ZSCAN25: variants seen among roughly 807,000 people sequenced by gnomAD.
ZSCAN25 encodes the protein zinc finger and SCAN domain-containing protein 25.
In ZSCAN25, 27 loss-of-function variants were observed where a neutral mutation model predicts 38.7. The ratio of observed to expected loss-of-function variants is 0.70; its 90% confidence interval spans 0.51 to 0.96. The LOEUF (loss-of-function observed/expected upper bound fraction) is 0.96. Among genes scored for constraint, ZSCAN25 ranks in the 40% least tolerant of loss-of-function variants. The pLI is 0.00. For synonymous variants in ZSCAN25, 273 were observed against 277.7 expected (o/e 0.98, Z 0.17); for missense variants, 637 against 705.9 (o/e 0.90, Z 1.11).
At chr7:99,650,216 C>T in the ZSCAN25 span, 9 of 1,613,566 alleles carry the variant, frequency 5.6e-6, no homozygotes, top group Non-Finnish European at 5.9e-6. Flanking sequence ...TCTATGCTGT[C>T]CTTCTTCTTA....
At chr7:99,637,387 TG>T (rs1808323680), downstream of ZSCAN25, among the ~76,000 whole-genome samples, 1 of 152,034 alleles carries the variant, frequency 6.6e-6, no homozygotes, top group Non-Finnish European at 1.5e-5. Context: ...CTGGGAAGAG[TG>T]TTTTTTTAAA....
the ZSCAN25 span, among the ~76,000 whole-genome samples, chr7:99,728,693 C>A: frequency 2.4e-4 from 36 of 152,174 alleles, no homozygotes; most frequent in African/African-American, 7.5e-4. Flanking sequence ...GACTGAACAA[C>A]TTCCTGTCCC....
Position 99,629,134 on chromosome 7 carries a change from CAT to C in ZSCAN25, c.806-56_806-55del. 6.5e-7 allele frequency: 1 copy of C among 1,529,554 alleles called. No homozygotes were observed. The highest frequency in any genetic ancestry group is 8.8e-7 in the Non-Finnish European group (1 of 1,140,324). The allele number at this position is 1,529,554 out of a possible 1,614,324, so 94.7% of individuals were successfully genotyped here. On this transcript the variant is annotated intron_variant, in intron 7 of 7. Coordinates refer to ENST00000394152, the MANE Select transcript of ZSCAN25 (RefSeq NM_145115.3). The surrounding 1 kb of genome is among the most constrained non-coding windows in gnomAD (Gnocchi z 5.6). ...GGACCCCTGTGAAGCAGAGTTCTAA[CAT>C]GTAAATGTCCTGCGGCTACCACAGA...
the ZSCAN25 span, among the ~76,000 whole-genome samples, chr7:99,698,965 A>T: frequency 6.6e-6 from 1 of 152,222 alleles, no homozygotes; most frequent in Non-Finnish European, 1.5e-5. Context: ...GCCTGCTCTT[A>T]AAAGTCAAAT....
chr7:99,698,241 T>C, the ZSCAN25 span, among the ~76,000 whole-genome samples: 8 of 152,356 alleles, frequency 5.3e-5, no homozygotes, highest in African/African-American at 1.7e-4. Flanking sequence ...ATTGTCTGCC[T>C]GGCTGCCCGA....
chr7:99,620,112 TCAGAC>T, intron 4 of ZSCAN25, 119 bp downstream of exon 4: 1 of 1,377,062 alleles, frequency 7.3e-7, no homozygotes, highest in Non-Finnish European at 9.6e-7. Context: ...TCCTCTGCCC[TCAGAC>T]TCCCTGAGGT....
the ZSCAN25 span, chr7:99,731,130 G>T: frequency 6.2e-7 from 1 of 1,613,872 alleles, no homozygotes; most frequent in South Asian, 1.1e-5. Context: ...TTCTTAAAAA[G>T]TCCATGTGTA....
At chr7:99,645,182 G>A in the ZSCAN25 span, among the ~76,000 whole-genome samples, 19 of 152,136 alleles carry the variant, frequency 1.2e-4, no homozygotes, top group African/African-American at 3.9e-4. Context: ...GTAGAGATGG[G>A]GTTTCACCAT....
chr7:99,706,164 C>A, the ZSCAN25 span, among the ~76,000 whole-genome samples: 2 of 152,152 alleles, frequency 1.3e-5, no homozygotes, highest in African/African-American at 4.8e-5. Flanking sequence ...AAGGGTAGTG[C>A]AAGTGGGGAA....
the ZSCAN25 span, chr7:99,660,577 G>A: frequency 1.2e-6 from 2 of 1,614,006 alleles, no homozygotes; most frequent in Non-Finnish European, 8.5e-7. Flanking sequence ...CATATAAAGT[G>A]AAGGAAAGAA....
chr7:99,682,644 T>C, the ZSCAN25 span, among the ~76,000 whole-genome samples: 1 of 152,146 alleles, frequency 6.6e-6, no homozygotes, highest in African/African-American at 2.4e-5. Context: ...TAGGGTTTTT[T>C]TTTTTCTATT....
chr7:99,720,213 C>A, the ZSCAN25 span: 2 of 1,462,960 alleles, frequency 1.4e-6, no homozygotes, highest in Non-Finnish European at 1.9e-6. Context: ...TGGAACCTTC[C>A]TGCACAGTTT....
At chr7:99,649,791 A>G in the ZSCAN25 span, among the ~76,000 whole-genome samples, 1 of 152,146 alleles carries the variant, frequency 6.6e-6, no homozygotes, top group Non-Finnish European at 1.5e-5. Flanking sequence ...TGTGCAAAAC[A>G]CTTCTTTCCA....
At chr7:99,654,085 A>ATT in the ZSCAN25 span, among the ~76,000 whole-genome samples, 5 of 148,890 alleles carry the variant, frequency 3.4e-5, no homozygotes, top group African/African-American at 1.2e-4. Flanking sequence ...AGGTTTTTGA[A>ATT]TTTTTTTTTT....
At chr7:99,672,107 A>G in the ZSCAN25 span, among the ~76,000 whole-genome samples, 1 of 152,050 alleles carries the variant, frequency 6.6e-6, no homozygotes, top group East Asian at 1.9e-4. Flanking sequence ...ACTGGAGTAT[A>G]ATGGCGTGAT....
the ZSCAN25 span, chr7:99,709,309 C>A: frequency 6.3e-7 from 1 of 1,589,786 alleles, no homozygotes; most frequent in Non-Finnish European, 8.6e-7. Context: ...TTTGAATTAA[C>A]TTTTAACTCA....
At chr7:99,643,536 A>C in the ZSCAN25 span, among the ~76,000 whole-genome samples, 2 of 151,452 alleles carry the variant, frequency 1.3e-5, no homozygotes, top group Non-Finnish European at 1.5e-5. Context: ...TCAACTCTTC[A>C]TGTCATTTTC....
the ZSCAN25 span, among the ~76,000 whole-genome samples, chr7:99,713,036 C>A: frequency 6.6e-6 from 1 of 152,204 alleles, no homozygotes; most frequent in African/African-American, 2.4e-5. Context: ...ATTTGGATAG[C>A]ATGGCTCCTG....
rs1404618482 is a variant in ZSCAN25 at position 99,619,478 on chromosome 7, C to T, written c.-46-83C>T. 3.5e-6 allele frequency: 4 copies of T among 1,128,786 alleles called. No homozygotes were observed. In the African/African-American group the frequency reaches 6.2e-5, roughly 17 times the overall value. The allele number at this position is 1,128,786 out of a possible 1,614,324, so 69.9% of individuals were successfully genotyped here. On this transcript the variant is annotated intron_variant, in intron 3 of 7. Transcript: ENST00000394152. Reference sequence around the variant, plus strand: ...GAAAATGCCTTGTAAAAGGTAATTACTGTGTTCTCCAGTGGAATATTCCTT... The same window carrying T: ...GAAAATGCCTTGTAAAAGGTAATTATTGTGTTCTCCAGTGGAATATTCCTT...
Sources: gnomAD v4.1 joint callset for allele counts (sites outside exome capture counted in the v4.1 genomes callset) on GRCh38, gnomAD v4.1.1 for gene constraint, Gnocchi (gnomAD v3.1) non-coding constraint, MANE v1.5 for transcripts, NCBI Gene and HGNC (gene_info 2026-07-23, HGNC 2026-07-21) for gene names.